RORB: variants seen among roughly 807,000 people sequenced by gnomAD.
RORB encodes the protein nuclear receptor ROR-beta.
Under a neutral mutation model 59.1 loss-of-function variants are expected in RORB, and 6 were observed. That is an observed-to-expected ratio of 0.10 (90% CI 0.06 to 0.20). The LOEUF (loss-of-function observed/expected upper bound fraction) is 0.20. Ranked by LOEUF, RORB falls within the 10% of genes least tolerant of loss-of-function variation. The pLI, the probability that RORB is intolerant of heterozygous loss-of-function variation, is 1.00. For synonymous variants in RORB, 215 were observed against 204.5 expected (o/e 1.05, Z -0.44); for missense variants, 320 against 560.5 (o/e 0.57, Z 4.33).
At chr9:74,501,192 G>T (rs1017447375) in intron 1 of RORB, among the ~76,000 whole-genome samples, 13 of 151,982 alleles carry the variant, frequency 8.6e-5, no homozygotes, top group Non-Finnish European at 1.5e-4. Flanking sequence ...GGTGATTGTC[G>T]CTGGGGCGGA....
chr9:74,677,362 C>A (rs372033518), intron 9 of RORB, among the ~76,000 whole-genome samples: 1 of 152,136 alleles, frequency 6.6e-6, no homozygotes, highest in East Asian at 1.9e-4. Flanking sequence ...CTTATATATA[C>A]TTATTTCAAA....
At chr9:74,617,676 C>T (rs1823335560) in intron 1 of RORB, among the ~76,000 whole-genome samples, 1 of 152,176 alleles carries the variant, frequency 6.6e-6, no homozygotes, top group Admixed American at 6.5e-5. Context: ...CTCAGTCCCA[C>T]ACTGACACCG....
chr9:74,685,926 A>T lies in RORB; in HGVS notation c.*308A>T, dbSNP rs1227291513. On this transcript the variant is annotated 3_prime_UTR_variant, in exon 10 of 10. Coordinates refer to ENST00000376896, the MANE Select transcript of RORB (RefSeq NM_006914.4). ...CTGTTTATAGAATTTTATTGTAGAT[A>T]TATACAAGAAAAGAGCGGTACTTTA... is the stretch of plus-strand genomic sequence containing the variant. The T allele has an allele frequency of 5.5e-6, 1 of 182,888 alleles. No homozygotes were observed. Among genetic ancestry groups the T allele is most frequent in the Non-Finnish European group, 1.1e-5 (1 of 88,602 alleles). The allele number at this position is 182,888 out of a possible 1,614,324, so 11.3% of individuals were successfully genotyped here. A position where few individuals can be genotyped will look rare whatever the true frequency, so the allele number is the denominator to read the frequency against.
At chr9:74,622,027 A>G (rs74709138) in intron 1 of RORB, among the ~76,000 whole-genome samples, 17,317 of 152,164 alleles carry the variant, frequency 0.11, 1,285 homozygotes, top group Non-Finnish European at 0.15. Flanking sequence ...GATTTTTAAC[A>G]TAGAAAAGTT....
chr9:74,644,663 G>C (rs531634826), intron 4 of RORB, among the ~76,000 whole-genome samples: 9 of 152,250 alleles, frequency 5.9e-5, no homozygotes, highest in South Asian at 4.1e-4. Flanking sequence ...GAGGGAAAAG[G>C]CACCTTCCTT....
At chr9:74,536,018 G>A (rs1405480645) in intron 1 of RORB, among the ~76,000 whole-genome samples, 2 of 151,938 alleles carry the variant, frequency 1.3e-5, no homozygotes, top group Non-Finnish European at 2.9e-5. Context: ...GGAAACAATA[G>A]AGTCATATCT....
At chr9:74,521,878 T>C (rs1826090217) in intron 1 of RORB, among the ~76,000 whole-genome samples, 1 of 151,822 alleles carries the variant, frequency 6.6e-6, no homozygotes, top group Non-Finnish European at 1.5e-5. Flanking sequence ...TGGTTCACTA[T>C]AAAATTATAA....
chr9:74,578,987 TTA>T (rs1418923267), intron 1 of RORB, among the ~76,000 whole-genome samples: 1 of 152,122 alleles, frequency 6.6e-6, no homozygotes, highest in Non-Finnish European at 1.5e-5. Context: ...GACCTTGATT[TTA>T]TATATATGAG....
At chr9:74,627,116 C>G (rs957299787) in intron 1 of RORB, among the ~76,000 whole-genome samples, 1 of 149,320 alleles carries the variant, frequency 6.7e-6, no homozygotes, top group Non-Finnish European at 1.5e-5. Context: ...GAGCTGAGAT[C>G]GCGCCACTCC....
intron 1 of RORB, among the ~76,000 whole-genome samples, chr9:74,602,507 C>T (rs1244331690): frequency 2.0e-5 from 3 of 152,112 alleles, no homozygotes; most frequent in South Asian, 4.2e-4. Context: ...TGTTTGATTC[C>T]GAAGCCCTAA....
At chr9:74,557,546 G>A (rs1706834715) in intron 1 of RORB, among the ~76,000 whole-genome samples, 1 of 152,000 alleles carries the variant, frequency 6.6e-6, no homozygotes, top group African/African-American at 2.4e-5. Flanking sequence ...TGTGACTTGT[G>A]GTTGGAACAT....
intron 1 of RORB, among the ~76,000 whole-genome samples, chr9:74,627,196 G>C (rs929098566): frequency 6.6e-6 from 1 of 151,082 alleles, no homozygotes; most frequent in African/African-American, 2.4e-5. Flanking sequence ...TAAAGCTGCA[G>C]CTCAGAAGCA....
At chr9:74,673,727 A>G (rs567183380) in intron 9 of RORB, among the ~76,000 whole-genome samples, 2 of 152,346 alleles carry the variant, frequency 1.3e-5, no homozygotes, top group Non-Finnish European at 1.5e-5. Context: ...GGAAAAGTAC[A>G]TAATTCAGTT....
At chr9:74,615,763 AT>A (rs1823303128) in intron 1 of RORB, 3 of 286,996 alleles carry the variant, frequency 1.0e-5, no homozygotes, top group South Asian at 5.9e-5. Flanking sequence ...GGACAAAAAA[AT>A]ATTTTCTGAC....
At chr9:74,644,728 T>G (rs148606081) in intron 4 of RORB, among the ~76,000 whole-genome samples, 1 of 152,376 alleles carries the variant, frequency 6.6e-6, no homozygotes, top group East Asian at 1.9e-4. Flanking sequence ...ATTTGAGAGA[T>G]ATGTTTGAAT....
rs148359864 is a variant in RORB, at chr9:74,554,626, C to T, written c.7+56643C>T. 8.1e-3 allele frequency among the ~76,000 whole-genome samples: 1,235 copies of T among 151,892 alleles called. 10 individuals carry two copies. The highest frequency in any genetic ancestry group is 0.013 in the Non-Finnish European group (899 of 67,956). On this transcript the variant is annotated intron_variant, in intron 1 of 9. Coordinates refer to ENST00000376896, the MANE Select transcript of RORB (RefSeq NM_006914.4). The stretch of plus-strand genomic sequence containing the variant: ...ACTATCTATCTTCACAAGCATTTAT[C>T]TGATCATAGCTTCAATACAAGCTTT...
At chr9:74,541,810 G>T (rs1826411892) in intron 1 of RORB, among the ~76,000 whole-genome samples, 1 of 152,094 alleles carries the variant, frequency 6.6e-6, no homozygotes, top group African/African-American at 2.4e-5. Context: ...ATAGGTGTGG[G>T]GAGTACAGGA....
intron 1 of RORB, among the ~76,000 whole-genome samples, chr9:74,592,105 T>A (rs1393466638): frequency 1.3e-5 from 2 of 152,162 alleles, no homozygotes; most frequent in Non-Finnish European, 2.9e-5. Flanking sequence ...ACCATAGCCA[T>A]CCATACTCAC....
At chr9:74,554,658 G>T (rs1826666886) in intron 1 of RORB, among the ~76,000 whole-genome samples, 1 of 151,836 alleles carries the variant, frequency 6.6e-6, no homozygotes, top group South Asian at 2.1e-4. Flanking sequence ...CTTTCTGTTT[G>T]TTTGTTTGTT....
Sources: gnomAD v4.1 joint callset for allele counts (sites outside exome capture counted in the v4.1 genomes callset) on GRCh38, gnomAD v4.1.1 for gene constraint, MANE v1.5 for transcripts, NCBI Gene and HGNC (gene_info 2026-07-23, HGNC 2026-07-21) for gene names.